LMBR1: variants seen among roughly 807,000 people sequenced by gnomAD.
LMBR1 encodes limb region 1 protein homolog.
In LMBR1, 52 loss-of-function variants were observed where a neutral mutation model predicts 73.9. The observed-to-expected ratio is 0.70, with a 90% CI of 0.56 to 0.89. The LOEUF (loss-of-function observed/expected upper bound fraction) is 0.89. Ranked by LOEUF, LMBR1 falls within the 40% of genes least tolerant of loss-of-function variation. LMBR1 has a pLI of 0.00. For synonymous variants in LMBR1, 215 were observed against 209.4 expected (o/e 1.03, Z -0.23); for missense variants, 539 against 579.8 (o/e 0.93, Z 0.72).
chr7:156,848,275 T>G (rs539041418), intron 1 of LMBR1, among the ~76,000 whole-genome samples: 1 of 152,040 alleles, frequency 6.6e-6, no homozygotes, highest in Admixed American at 6.6e-5. Context: ...TAAAGAAATA[T>G]CAACCGTAAA....
At position 156,844,591 on chromosome 7, in the gene LMBR1, A is replaced by G. The variant is rs533087968; in HGVS notation, c.67-7706T>C. Reference sequence around the variant, plus strand: ...GAAAAAAACAGTCCAGCTTCTCATCACTAAAAGTGAAGTACACCTGAATGA... The same window carrying G: ...GAAAAAAACAGTCCAGCTTCTCATCGCTAAAAGTGAAGTACACCTGAATGA... On this transcript the variant is annotated intron_variant, in intron 1 of 16. Coordinates refer to ENST00000353442, the MANE Select transcript of LMBR1 (RefSeq NM_022458.4). Among the ~76,000 whole-genome samples the G allele has an allele frequency of 8.0e-5, 12 of 150,390 alleles. No individual in the cohort carries two copies. The East Asian group carries it at 2.0e-3, about 25-fold the overall frequency.
chr7:156,762,160 T>C lies in LMBR1; in HGVS notation c.658A>G (p.Met220Val). 1.2e-6 allele frequency: 2 copies of C among 1,610,880 alleles called. No homozygotes were observed. Among genetic ancestry groups the C allele is most frequent in the Non-Finnish European group, 1.7e-6 (2 of 1,177,292 alleles). ...PVGLSRMFTV[M>V]GQLLVKPTIL... ...GTTGGCTTCACTAGCAACTGACCCA[T>C]CACTGTGAACATACGAGAAAGGCCA... is the stretch of plus-strand genomic sequence containing the variant. Residue 220 changes from methionine to valine, a missense_variant, in exon 8 of 17, where the codon ATG (methionine) becomes GTG (valine). By Grantham distance (21) the Met-to-Val change is conservative (BLOSUM62 1). Transcript: ENST00000353442.
At chr7:156,852,498 T>G (rs7805302) in intron 1 of LMBR1, among the ~76,000 whole-genome samples, 54,391 of 152,096 alleles carry the variant, frequency 0.36, 10,010 homozygotes, top group East Asian at 0.57. Context: ...ATTATAGGCT[T>G]CTACACCCCT....
intron 15 of LMBR1, among the ~76,000 whole-genome samples, chr7:156,721,815 C>T (rs138259010): frequency 5.4e-4 from 82 of 152,122 alleles, no homozygotes; most frequent in Admixed American, 5.9e-4. Flanking sequence ...ATAAAATTTA[C>T]TTAGTGGTGA....
At chr7:156,707,595 C>G (rs1563179341) in intron 15 of LMBR1, among the ~76,000 whole-genome samples, 1 of 152,134 alleles carries the variant, frequency 6.6e-6, no homozygotes, top group Non-Finnish European at 1.5e-5. Flanking sequence ...ATATATCACA[C>G]TGACAGAATT....
At chr7:156,862,722 C>T (rs1468122462) in intron 1 of LMBR1, among the ~76,000 whole-genome samples, 1 of 152,170 alleles carries the variant, frequency 6.6e-6, no homozygotes, top group African/African-American at 2.4e-5. Flanking sequence ...ACACAAAGAA[C>T]TCTCCCTACA....
intron 5 of LMBR1, among the ~76,000 whole-genome samples, chr7:156,775,754 A>G (rs1194369297): frequency 6.6e-6 from 1 of 152,100 alleles, no homozygotes; most frequent in Non-Finnish European, 1.5e-5. Flanking sequence ...AGTACCAACT[A>G]ATGTTCTTTT....
At chr7:156,673,934 C>T (rs575967162), downstream of LMBR1, among the ~76,000 whole-genome samples, 598 of 150,562 alleles carry the variant, frequency 4.0e-3, 7 homozygotes, top group Non-Finnish European at 5.6e-3. Context: ...AAAAAGTGAA[C>T]GTGAGGACTC....
chr7:156,721,525 A>C (rs1814578774), intron 15 of LMBR1, among the ~76,000 whole-genome samples: 1 of 152,092 alleles, frequency 6.6e-6, no homozygotes, highest in Admixed American at 6.6e-5. Context: ...GAGTCTATTA[A>C]ACTACACAGT....
intron 9 of LMBR1, among the ~76,000 whole-genome samples, chr7:156,749,431 G>C (rs953152817): frequency 6.6e-6 from 1 of 152,002 alleles, no homozygotes; most frequent in Non-Finnish European, 1.5e-5. Context: ...CCTAAACCTT[G>C]GCACCTTCAT....
chr7:156,892,678 C>A (rs1021194745), intron 1 of LMBR1: 25 of 321,926 alleles, frequency 7.8e-5, no homozygotes, highest in Non-Finnish European at 5.6e-5. Context: ...CGCGAGGGGG[C>A]AGGGGAGGCA....
intron 5 of LMBR1, among the ~76,000 whole-genome samples, chr7:156,772,966 A>C (rs1479549024): frequency 2.0e-5 from 3 of 152,138 alleles, no homozygotes; most frequent in African/African-American, 7.2e-5. Flanking sequence ...AAAATCCCAT[A>C]GTGTCTGCTC....
chr7:156,725,250 C>A (rs1260164881), intron 14 of LMBR1, among the ~76,000 whole-genome samples, 185 bp downstream of exon 14: 2 of 152,112 alleles, frequency 1.3e-5, no homozygotes, highest in Non-Finnish European at 2.9e-5. Flanking sequence ...GGACGCCATC[C>A]AAATTAAACA....
chr7:156,763,405 C>A (rs1160501673), intron 6 of LMBR1, among the ~76,000 whole-genome samples: 2 of 148,984 alleles, frequency 1.3e-5, no homozygotes, highest in African/African-American at 5.0e-5. Context: ...GAAAAAATGT[C>A]TCCACGGAAT....
rs2131629350 is a variant in LMBR1, at chr7:156,670,094, G to T, written n.867-807C>A. 6.6e-6 allele frequency among the ~76,000 whole-genome samples: 1 copy of T among 152,234 alleles called. No homozygotes were observed. The highest frequency in any genetic ancestry group is 2.4e-5 in the African/African-American group (1 of 41,528). Reference sequence around the variant, plus strand: ...GAAAAAATTAAATTATAAATTTTATGACTTTCACAGTGCATCTTTACACCA... The same window carrying T: ...GAAAAAATTAAATTATAAATTTTATTACTTTCACAGTGCATCTTTACACCA... On this transcript the variant is annotated intron_variant and non_coding_transcript_variant, in intron 4 of 4. Coordinates refer to the LMBR1 transcript ENST00000430825. This position sits in a 1 kb window ranked among gnomAD's most constrained non-coding sequence, Gnocchi z 4.3.
At chr7:156,807,128 G>A (rs974533672) in intron 4 of LMBR1, among the ~76,000 whole-genome samples, 4 of 151,818 alleles carry the variant, frequency 2.6e-5, no homozygotes, top group Non-Finnish European at 4.4e-5. Flanking sequence ...CATTTGATTC[G>A]CTAAAATTGT....
chr7:156,774,594 G>A (rs1440710340), intron 5 of LMBR1, among the ~76,000 whole-genome samples: 1 of 152,124 alleles, frequency 6.6e-6, no homozygotes, highest in African/African-American at 2.4e-5. Flanking sequence ...CACTTTGGGA[G>A]GCTGAGGTGG....
intron 1 of LMBR1, among the ~76,000 whole-genome samples, chr7:156,888,983 G>A (rs977894594): frequency 1.3e-5 from 2 of 152,104 alleles, no homozygotes; most frequent in African/African-American, 4.8e-5. Flanking sequence ...GAACCAGGGA[G>A]GGAGAGGTTG....
intron 3 of LMBR1, among the ~76,000 whole-genome samples, chr7:156,828,057 G>A (rs576537948): frequency 6.6e-6 from 1 of 152,314 alleles, no homozygotes; most frequent in East Asian, 1.9e-4. Context: ...AGCTTCTCCA[G>A]TCATGGGAGG....
Sources: gnomAD v4.1 joint callset for allele counts (sites outside exome capture counted in the v4.1 genomes callset) on GRCh38, gnomAD v4.1.1 for gene constraint, Gnocchi (gnomAD v3.1) non-coding constraint, MANE v1.5 for transcripts, NCBI Gene and HGNC (gene_info 2026-07-23, HGNC 2026-07-21) for gene names.